PWWP2A: variants seen among roughly 807,000 people sequenced by gnomAD.
PWWP2A encodes the protein PWWP domain-containing protein 2A.
A neutral mutation model predicts 48.5 loss-of-function variants in PWWP2A; 18 were observed. The observed-to-expected ratio is 0.37, with a 90% confidence interval of 0.26 to 0.55. The LOEUF (loss-of-function observed/expected upper bound fraction) is 0.55, where lower values mean the gene tolerates loss of function less well. PWWP2A is among the 20% of genes least tolerant of loss of function. PWWP2A has a pLI of 0.81. For missense variants in PWWP2A, 867 were observed against 976.4 expected (o/e 0.89, Z 1.49); for synonymous variants, 396 against 387.7 (o/e 1.02, Z -0.25).
At chr5:160,099,406 G>A (rs773847588) in intron 1 of PWWP2A, among the ~76,000 whole-genome samples, 5 of 152,150 alleles carry the variant, frequency 3.3e-5, no homozygotes, top group South Asian at 2.1e-4. Context: ...CAGGTATTAC[G>A]GCTTAATTAA....
At chr5:160,117,529 C>T (rs1293134001) in intron 1 of PWWP2A, among the ~76,000 whole-genome samples, 1 of 151,466 alleles carries the variant, frequency 6.6e-6, no homozygotes, top group African/African-American at 2.4e-5. Flanking sequence ...TGGTGGCGCA[C>T]GCCTGTAGTC....
chr5:160,060,264 C>G (rs1561641664), downstream of PWWP2A, among the ~76,000 whole-genome samples: 1 of 152,234 alleles, frequency 6.6e-6, no homozygotes, highest in East Asian at 1.9e-4. Flanking sequence ...TCAGGGTAAA[C>G]TGCCTGATGC....
In PWWP2A at chr5:160,103,891, GT is replaced by G. The variant is rs370384857; in HGVS notation, c.585-9827del. 3.6e-3 allele frequency among the ~76,000 whole-genome samples: 552 copies of G among 152,094 alleles called. 2 individuals are homozygous for G. The highest frequency in any genetic ancestry group is 0.013 in the African/African-American group (531 of 41,490). On this transcript the variant is annotated intron_variant, in intron 1 of 1. Transcript: ENST00000307063. ...AATCTCAACACTCTGGGAGGCCGAG[GT>G]GGGTGGATCACTTGAGACCAGGAGT...
At chr5:160,107,584 A>G (rs1757028542) in intron 1 of PWWP2A, among the ~76,000 whole-genome samples, 1 of 152,222 alleles carries the variant, frequency 6.6e-6, no homozygotes, top group Non-Finnish European at 1.5e-5. Context: ...ATAAGCACAT[A>G]ATATATAAAC....
rs1758462419 is a variant in PWWP2A, at chr5:160,119,162, C to G, written c.227G>C (p.Gly76Ala). 2.6e-6 allele frequency: 4 copies of G among 1,531,784 alleles called. No individual in the cohort carries two copies. Among genetic ancestry groups the G allele is most frequent in the African/African-American group, 1.4e-5 (1 of 69,054 alleles). 94.9% of individuals were successfully genotyped at this position (1,531,784 alleles called of 1,614,324 possible). ...PPLPPPPPPP[G>A]ELARSPEAVG... ...CGCCTCTGGGCTGCGGGCGAGCTCC[C>G]CCGGCGGCGGCGGTGGCGGCGGGAG... is the stretch of plus-strand genomic sequence containing the variant. The change falls in exon 1 of 2, where the codon GGG becomes GCG. Residue 76 changes from glycine to alanine, a missense_variant. By Grantham distance (60) the Gly-to-Ala change is moderately conservative. Transcript: ENST00000307063.
chr5:160,052,572 A>C, the PWWP2A span, among the ~76,000 whole-genome samples: 775 of 149,070 alleles, frequency 5.2e-3, 15 homozygotes, highest in African/African-American at 0.018. Flanking sequence ...AAAAAAAAAA[A>C]AACTGTTTGC....
chr5:160,087,255 A>G (rs1350218932), downstream of PWWP2A, among the ~76,000 whole-genome samples: 1 of 151,908 alleles, frequency 6.6e-6, no homozygotes, highest in Non-Finnish European at 1.5e-5. Flanking sequence ...GGTGACATAC[A>G]CCAGTAGTCC....
chr5:160,080,963 G>A (rs1754185313), intron 2 of PWWP2A, among the ~76,000 whole-genome samples: 2 of 152,210 alleles, frequency 1.3e-5, no homozygotes, highest in Non-Finnish European at 2.9e-5. Flanking sequence ...TGAGAGCTGT[G>A]TAGACACAAC....
the PWWP2A span, chr5:160,049,473 A>G: frequency 6.5e-7 from 1 of 1,529,698 alleles, no homozygotes; most frequent in Admixed American, 2.2e-5. Flanking sequence ...TATGTAGGCC[A>G]TTTTTCTTTG....
chr5:160,107,820 G>A (rs10055022), intron 1 of PWWP2A, among the ~76,000 whole-genome samples: 65 of 152,206 alleles, frequency 4.3e-4, no homozygotes, highest in African/African-American at 1.5e-3. Context: ...GGCCAATATG[G>A]TGAAACTCTG....
chr5:160,071,896 G>T (rs1009895308), downstream of PWWP2A, among the ~76,000 whole-genome samples: 1 of 152,160 alleles, frequency 6.6e-6, no homozygotes, highest in Non-Finnish European at 1.5e-5. Context: ...ATACAGGAGG[G>T]ATGAGGATAG....
At chr5:160,105,977 G>A (rs977748627) in intron 1 of PWWP2A, among the ~76,000 whole-genome samples, 1 of 152,030 alleles carries the variant, frequency 6.6e-6, no homozygotes, top group Non-Finnish European at 1.5e-5. Flanking sequence ...AGGCAAAACA[G>A]CATGCTATCT....
intron 2 of PWWP2A, among the ~76,000 whole-genome samples, chr5:160,086,007 C>T (rs9313834): frequency 0.76 from 114,611 of 151,406 alleles, 43,413 homozygotes; most frequent in East Asian, 0.87. Context: ...TTAATAGAGA[C>T]GGGGTTTCAC....
downstream of PWWP2A, among the ~76,000 whole-genome samples, chr5:160,088,950 T>C (rs1449482941): frequency 6.6e-6 from 1 of 152,230 alleles, no homozygotes; most frequent in Non-Finnish European, 1.5e-5. Context: ...CAATTTAATA[T>C]GTTGCAATTT....
intron 2 of PWWP2A, among the ~76,000 whole-genome samples, chr5:160,081,238 CCT>C (rs1754208771): frequency 6.9e-6 from 1 of 144,390 alleles, no homozygotes; most frequent in African/African-American, 2.6e-5. Context: ...TCAATGACCC[CCT>C]TTTTTTTTTT....
chr5:160,079,329 C>T (rs1181456164), intron 3 of PWWP2A, among the ~76,000 whole-genome samples: 1 of 151,720 alleles, frequency 6.6e-6, no homozygotes, highest in East Asian at 1.9e-4. Context: ...CTACAAAATA[C>T]ATTTCACTGG....
In PWWP2A at chr5:160,118,965, C is replaced by A. The variant is rs771288429; in HGVS notation, c.424G>T (p.Ala142Ser). 3 of 1,598,546 alleles carry A rather than the reference C, an allele frequency of 1.9e-6. No individual in the cohort carries two copies. The highest frequency in any genetic ancestry group is 2.2e-5 in the South Asian group (2 of 89,576). ...TCCCCGCCCGCCGGCGGCACGAGCG[C>A]CGGGGCTACGGGCTGAGGCAGCGGC... Reference protein sequence around the residue: ...EPPLPQPVAPALVPPAGGDST... With the variant: ...EPPLPQPVAPSLVPPAGGDST... The change falls in exon 1 of 2, where the codon GCG becomes TCG. Residue 142 changes from alanine (A) to serine (S), a missense_variant. Transcript: ENST00000307063.
chr5:160,112,955 G>C (rs929022087), intron 1 of PWWP2A, among the ~76,000 whole-genome samples: 1 of 152,094 alleles, frequency 6.6e-6, no homozygotes, highest in East Asian at 1.9e-4. Context: ...TCAGGAGTTC[G>C]AGACCAGTCT....
At chr5:160,094,332 G>A (rs563940758) in intron 1 of PWWP2A, among the ~76,000 whole-genome samples, 1 of 152,308 alleles carries the variant, frequency 6.6e-6, no homozygotes, top group South Asian at 2.1e-4. Flanking sequence ...GATATTTCCA[G>A]TCTTGAATCA....
Sources: allele counts gnomAD v4.1 joint callset (sites outside exome capture counted in the v4.1 genomes callset), GRCh38; gene constraint gnomAD v4.1.1; transcripts MANE v1.5; gene names NCBI Gene and HGNC (gene_info 2026-07-23, HGNC 2026-07-21).